The following HSP90AB1 variants were observed in gnomAD, a reference collection of about 807,000 sequenced individuals.
HSP90AB1 encodes heat shock protein HSP 90-beta.
In HSP90AB1, 17 loss-of-function variants were observed where a neutral mutation model predicts 67.8. The observed-to-expected ratio is 0.25, with a 90% CI of 0.17 to 0.38. The LOEUF is 0.38. Ranked by LOEUF, HSP90AB1 falls within the 10% of genes least tolerant of loss-of-function variation. The pLI, the probability that HSP90AB1 is intolerant of heterozygous loss-of-function variation, is 1.00. For missense variants in HSP90AB1, 690 were observed against 899.9 expected, an observed-to-expected ratio of 0.77 and a Z score of 2.98; for synonymous variants, 390 against 312.9, an observed-to-expected ratio of 1.25 and a Z score of -2.60.
At chr6:44,247,399 GC>G (rs1394884447) in intron 1 of HSP90AB1, among the ~76,000 whole-genome samples, 2 of 152,090 alleles carry the variant, frequency 1.3e-5, no homozygotes, top group African/African-American at 2.4e-5. Flanking sequence ...GGGGGGTGGG[GC>G]TTTCTCTCGG....
upstream of HSP90AB1, among the ~76,000 whole-genome samples, chr6:44,246,614 C>T (rs1361487094): frequency 6.6e-6 from 1 of 152,222 alleles, no homozygotes. Context: ...CTGGGGCTAC[C>T]CAAGGTTGGG....
intron 8 of HSP90AB1, 33 bp downstream of exon 8, chr6:44,251,641 C>T (rs933514424): frequency 1.5e-5 from 24 of 1,586,566 alleles, no homozygotes; most frequent in South Asian, 2.3e-5. Flanking sequence ...TTCCCTTTAC[C>T]ACTTTCTTAG....
Position 44,253,355 on chromosome 6 carries a change from A to G in HSP90AB1, c.2042A>G (p.Tyr681Cys), listed in dbSNP as rs1780965533. Residue 681 changes from tyrosine (Y) to cysteine (C), a missense_variant, in exon 11 of 12, where the codon TAT becomes TGT. By Grantham distance (194) the Tyr-to-Cys change is radical. This residue lies in a region of HSP90AB1 where 120 missense variants were observed against 153.5 expected (regional missense o/e 0.78). Transcript: ENST00000371646. ...CCCCAGACCCACTCCAACCGCATCT[A>G]TCGCATGATCAAGCTAGGTCTAGGT... Reference protein sequence around the residue: ...EDPQTHSNRIYRMIKLGLGID... With the variant: ...EDPQTHSNRICRMIKLGLGID... 1.9e-6 allele frequency: 3 copies of G among 1,614,156 alleles called. No individual in the cohort carries two copies. The highest frequency in any genetic ancestry group is 2.2e-5 in the East Asian group (1 of 44,882).
At chr6:44,250,926 CTTG>C (rs1336058910) in intron 6 of HSP90AB1, 119 bp from the exon 7 acceptor site, 12 of 847,404 alleles carry the variant, frequency 1.4e-5, no homozygotes, top group South Asian at 4.7e-5. Flanking sequence ...TCAGGAGCTG[CTTG>C]TTGTGTGTGC....
chr6:44,247,379 T>C (rs890393907), intron 1 of HSP90AB1, among the ~76,000 whole-genome samples, 184 bp downstream of exon 1: 1 of 152,086 alleles, frequency 6.6e-6, no homozygotes, highest in South Asian at 2.1e-4. Context: ...CGGTTTTCTC[T>C]AGTGTGTTTG....
rs1228141899 is a variant in HSP90AB1, at chr6:44,253,541, TGAG to T, written c.2119_2121del (p.Glu707del). 1.9e-6 allele frequency: 3 copies of T among 1,614,046 alleles called. No homozygotes were observed. Among genetic ancestry groups the T allele is most frequent in the Non-Finnish European group, 2.5e-6 (3 of 1,180,000 alleles). ...AGGAACCCAATGCTGCAGTTCCTGA[TGAG>T]ATCCCCCCTCTCGAGGGCGATGAGG... is the stretch of plus-strand genomic sequence containing the variant. On this transcript the variant is annotated inframe_deletion, in exon 12 of 12. Transcript: ENST00000371646.
At chr6:44,250,266 G>A (rs1235335136) in intron 5 of HSP90AB1, 25 bp from the exon 6 acceptor site, 79 of 1,611,760 alleles carry the variant, frequency 4.9e-5, no homozygotes, top group Non-Finnish European at 6.4e-5. Context: ...GTACTCCAAG[G>A]CTAACTTCTG....
At chr6:44,251,243 G>A in intron 7 of HSP90AB1, 30 bp downstream of exon 7, 1 of 1,612,326 alleles carries the variant, frequency 6.2e-7, no homozygotes, top group Middle Eastern at 1.7e-4. Context: ...AATTTAGTTG[G>A]GTGAAGTCTT....
chr6:44,249,197 G>T (rs1303702652), intron 2 of HSP90AB1, among the ~76,000 whole-genome samples, 180 bp from the exon 3 acceptor site: 1 of 152,198 alleles, frequency 6.6e-6, no homozygotes, highest in Non-Finnish European at 1.5e-5. Flanking sequence ...TATTAGTTGG[G>T]CACGGTGGCA....
At position 44,250,377 on chromosome 6, in the gene HSP90AB1, A is replaced by T. The variant is rs891954128; in HGVS notation, c.735A>T (p.Glu245Asp). 2 of 1,613,818 alleles carry T rather than the reference A, an allele frequency of 1.2e-6. No individual in the cohort carries two copies. The highest frequency in any genetic ancestry group is 8.5e-7 in the Non-Finnish European group (1 of 1,179,786). Residue 245 changes from glutamate (E) to aspartate (D), a missense_variant, in exon 6 of 12, where the codon GAA (glutamate) becomes GAT (aspartate). Around this residue, in one of 7 missense-constraint regions of HSP90AB1, gnomAD observed 146 missense variants for 143.7 expected, o/e 1.02. Transcript: ENST00000371646. ...GEKEEEDKDDEEKPKIEDVGS... is the reference protein window; with the variant it reads ...GEKEEEDKDDDEKPKIEDVGS... The stretch of plus-strand genomic sequence containing the variant: ...AAGAAGAGGAAGATAAAGATGATGA[A>T]GAAAAACCCAAGATCGAAGATGTGG...
chr6:44,250,673 T>C, intron 6 of HSP90AB1, 74 bp downstream of exon 6: 1 of 825,168 alleles, frequency 1.2e-6, no homozygotes, highest in East Asian at 2.4e-5. Flanking sequence ...GAGTGTTGGG[T>C]AATAGACACA....
chr6:44,248,807 GTTT>G, intron 2 of HSP90AB1, 31 bp downstream of exon 2: 1 of 1,391,718 alleles, frequency 7.2e-7, no homozygotes, highest in Non-Finnish European at 9.8e-7. Context: ...ATTTGGCATG[GTTT>G]TTTTTTTTGA....
At position 44,253,166 on chromosome 6, in the gene HSP90AB1, G is replaced by A. The variant is rs1247181991; in HGVS notation, c.1853G>A (p.Gly618Asp). 1 of 1,614,190 alleles carries A rather than the reference G, an allele frequency of 6.2e-7. No homozygotes were observed. The highest frequency in any genetic ancestry group is 2.2e-5 in the East Asian group (1 of 44,886). ...AQALRDNSTM[G>D]YMMAKKHLEI... ...GCACTTCGGGACAACTCCACCATGG[G>A]CTATATGATGGCCAAAAAGCACCTG... The change falls in exon 11 of 12, where the codon GGC becomes GAC. Residue 618 changes from glycine to aspartate, a missense_variant. Gly to Asp is a moderately conservative substitution (Grantham distance 94). Coordinates refer to ENST00000371646, the MANE Select transcript of HSP90AB1 (RefSeq NM_007355.4).
chr6:44,248,643 T>A lies in HSP90AB1; in HGVS notation c.14T>A (p.Val5Glu), dbSNP rs1388092317. The change falls in exon 2 of 12, where the codon GTG becomes GAG. Residue 5 changes from valine (V) to glutamate (E), a missense_variant. By Grantham distance (121) the Val-to-Glu change is moderately radical (BLOSUM62 -2). Coordinates refer to ENST00000371646, the MANE Select transcript of HSP90AB1 (RefSeq NM_007355.4). Reference sequence around the variant, plus strand: ...TTTTTATTTTAGATGCCTGAGGAAGTGCACCATGGAGAGGAGGAGGTGGAG... The same window carrying A: ...TTTTTATTTTAGATGCCTGAGGAAGAGCACCATGGAGAGGAGGAGGTGGAG... MPEE[V>E]HHGEEEVETF... 1.2e-6 allele frequency: 2 copies of A among 1,607,882 alleles called. No homozygotes were observed. Among genetic ancestry groups the A allele is most frequent in the Admixed American group, 1.7e-5 (1 of 57,744 alleles).
At position 44,253,620 on chromosome 6, in the gene HSP90AB1, A is replaced by G; in HGVS notation, c.*22A>G. The G allele has an allele frequency of 6.3e-7, 1 of 1,592,498 alleles. No individual in the cohort carries two copies. Among genetic ancestry groups the G allele is most frequent in the Non-Finnish European group, 8.6e-7 (1 of 1,160,410 alleles). On this transcript the variant is annotated 3_prime_UTR_variant, in exon 12 of 12. Transcript: ENST00000371646. ...TTAGGTTAGGAGTTCATAGTTGGAA[A>G]ACTTGTGCCCTTGTATAGTGTCCCC...
chr6:44,248,486 C>T (rs1029965359), intron 1 of HSP90AB1, 144 bp from the exon 2 acceptor site: 8 of 611,332 alleles, frequency 1.3e-5, no homozygotes, highest in Non-Finnish European at 2.2e-5. Context: ...TAAGAGAATG[C>T]ATTTTTAGTC....
chr6:44,250,938 G>C, intron 6 of HSP90AB1, 110 bp from the exon 7 acceptor site: 3 of 936,290 alleles, frequency 3.2e-6, no homozygotes, highest in Non-Finnish European at 5.2e-6. Context: ...TGTTGTGTGT[G>C]CTCTATCCCT....
intron 1 of HSP90AB1, among the ~76,000 whole-genome samples, chr6:44,247,439 T>TG (rs1443246299): frequency 2.0e-5 from 3 of 151,368 alleles, no homozygotes; most frequent in African/African-American, 7.3e-5. Flanking sequence ...AGGTGGGCTG[T>TG]GGGGTTGGGG....
chr6:44,252,146 C>G lies in HSP90AB1; in HGVS notation c.1610C>G (p.Thr537Ser), dbSNP rs1780714470. 1.2e-6 allele frequency: 2 copies of G among 1,613,956 alleles called. No homozygotes were observed. Among genetic ancestry groups the G allele is most frequent in the South Asian group, 1.1e-5 (1 of 91,068 alleles). The part of the protein sequence containing the change: ...EFDGKSLVSV[T>S]KEGLELPEDE... ...GATGGGAAGAGCCTGGTCTCAGTTACCAAGGAGGGTCTGGAGCTGCCTGAG... is the reference window on the plus strand; with the variant it reads ...GATGGGAAGAGCCTGGTCTCAGTTAGCAAGGAGGGTCTGGAGCTGCCTGAG... The change falls in exon 10 of 12, where the codon ACC (threonine) becomes AGC (serine). Residue 537 changes from threonine to serine, a missense_variant. By Grantham distance (58) the Thr-to-Ser change is moderately conservative. This residue lies in a region of HSP90AB1 where 206 missense variants were observed against 221.4 expected (regional missense o/e 0.93). Coordinates refer to ENST00000371646, the MANE Select transcript of HSP90AB1 (RefSeq NM_007355.4).
Sources: gnomAD v4.1 joint callset for allele counts (sites outside exome capture counted in the v4.1 genomes callset) on GRCh38, gnomAD v4.1.1 for gene constraint, gnomAD v4.1.1 regional missense constraint, MANE v1.5 for transcripts, NCBI Gene and HGNC (gene_info 2026-07-23, HGNC 2026-07-21) for gene names.